CCDC33: variants seen among roughly 807,000 people sequenced by gnomAD.
CCDC33 encodes coiled-coil domain-containing protein 33.
CCDC33 carries 94 observed loss-of-function variants against 91.9 expected under a neutral mutation model. That is an observed-to-expected ratio of 1.02 (90% CI 0.87 to 1.21). The LOEUF (loss-of-function observed/expected upper bound fraction) is 1.21, where lower values mean the gene tolerates loss of function less well. CCDC33 is among the 50% of genes most tolerant of loss of function. CCDC33 has a pLI of 0.00. For synonymous variants in CCDC33, 396 were observed against 374.5 expected (o/e 1.06, Z -0.66); for missense variants, 940 against 935.5 (o/e 1.00, Z -0.06).
chr15:74,329,283 A>C (rs1178562804), intron 11 of CCDC33, among the ~76,000 whole-genome samples: 1 of 152,044 alleles, frequency 6.6e-6, no homozygotes, highest in Non-Finnish European at 1.5e-5. Flanking sequence ...TGAAGTGTCC[A>C]CATATGGAGG....
chr15:74,227,836 A>G (rs929894840), intron 2 of CCDC33, among the ~76,000 whole-genome samples: 2 of 152,156 alleles, frequency 1.3e-5, no homozygotes, highest in Non-Finnish European at 2.9e-5. Context: ...AAAGGGGGAT[A>G]ATGATGTCTA....
chr15:74,270,431 C>T (rs1406969426), intron 5 of CCDC33, among the ~76,000 whole-genome samples: 4 of 152,178 alleles, frequency 2.6e-5, no homozygotes, highest in East Asian at 3.9e-4. Flanking sequence ...GGGGGCCTGT[C>T]GGGAGACACG....
At position 74,266,675 on chromosome 15, in the gene CCDC33, CA is replaced by C. The variant is rs775502475; in HGVS notation, c.320-2del. On this transcript the variant is annotated splice_acceptor_variant, in intron 3 of 18. Transcript: ENST00000398814. LOFTEE classifies it high-confidence loss of function. ...AACCTGGGCTCATTTTTTCTCTTTC[CA>C]GATGTGATCCTCAAGGTGGTGGACA... 7 of 1,609,430 alleles carry C rather than the reference CA, an allele frequency of 4.3e-6. 1 individual carries two copies. The South Asian group carries it at 5.5e-5, about 13-fold the overall frequency.
At chr15:74,221,231 T>G (rs1463823384) in intron 2 of CCDC33, 8 of 978,436 alleles carry the variant, frequency 8.2e-6, no homozygotes, top group South Asian at 4.8e-5. Flanking sequence ...TTTTTTTTTT[T>G]TTTTTTTTTT....
At chr15:74,265,423 C>T (rs569404943) in intron 3 of CCDC33, among the ~76,000 whole-genome samples, 1 of 152,334 alleles carries the variant, frequency 6.6e-6, no homozygotes, top group South Asian at 2.1e-4. Flanking sequence ...CTCCCCATCT[C>T]TTCTTCCTCC....
At chr15:74,234,803 G>T (rs2075095277), upstream of CCDC33, among the ~76,000 whole-genome samples, 1 of 152,260 alleles carries the variant, frequency 6.6e-6, no homozygotes, top group African/African-American at 2.4e-5. Flanking sequence ...CCACAGTGAG[G>T]CAGGCAAGGT....
At chr15:74,231,506 T>C (rs572435792), upstream of CCDC33, among the ~76,000 whole-genome samples, 12 of 152,210 alleles carry the variant, frequency 7.9e-5, no homozygotes, top group Non-Finnish European at 1.8e-4. Context: ...TTTTCATCTC[T>C]GGTCTTGAAT....
intron 2 of CCDC33, chr15:74,209,643 A>G (rs138676653): frequency 1.4e-4 from 79 of 579,716 alleles, no homozygotes; most frequent in African/African-American, 1.2e-3. Context: ...CTTCACCCCA[A>G]GTACATGCCT....
At chr15:74,332,354 G>C (rs940575937) in intron 15 of CCDC33, among the ~76,000 whole-genome samples, 13 of 152,186 alleles carry the variant, frequency 8.5e-5, no homozygotes, top group African/African-American at 3.1e-4. Context: ...GACTGAGAAG[G>C]CAACCTAGGG....
intron 7 of CCDC33, among the ~76,000 whole-genome samples, chr15:74,279,199 C>T (rs552007189): frequency 3.3e-5 from 5 of 152,288 alleles, no homozygotes; most frequent in Non-Finnish European, 4.4e-5. Flanking sequence ...TAGCAGAGAA[C>T]GTTCAATGCA....
chr15:74,206,848 A>G (rs899505773), intron 1 of CCDC33, among the ~76,000 whole-genome samples: 1 of 152,250 alleles, frequency 6.6e-6, no homozygotes, highest in Non-Finnish European at 1.5e-5. Context: ...GACCAGCATG[A>G]ACCCACGTGG....
At chr15:74,268,627 G>C (rs1416917049) in intron 5 of CCDC33, among the ~76,000 whole-genome samples, 169 bp downstream of exon 5, 1 of 152,270 alleles carries the variant, frequency 6.6e-6, no homozygotes, top group South Asian at 2.1e-4. Flanking sequence ...AAAAGGAGTT[G>C]TGAAGACAAG....
At chr15:74,310,358 G>A (rs1027279437) in intron 11 of CCDC33, among the ~76,000 whole-genome samples, 5 of 151,988 alleles carry the variant, frequency 3.3e-5, no homozygotes, top group African/African-American at 1.2e-4. Flanking sequence ...ACAACATGGT[G>A]AAACCCCGTT....
Position 74,219,306 on chromosome 15 carries a change from G to A in CCDC33, c.675+445G>A, listed in dbSNP as rs149541985. On this transcript the variant is annotated intron_variant, in intron 2 of 2. Transcript: ENST00000635913. Reference sequence around the variant, plus strand: ...AGGTGAGAGAGTCTAGTCCTTATCCGAAATATAGGAGGCTTCTCCCCTATG... The same window carrying A: ...AGGTGAGAGAGTCTAGTCCTTATCCAAAATATAGGAGGCTTCTCCCCTATG... Among the ~76,000 whole-genome samples, 75 of 152,296 alleles carry A rather than the reference G, an allele frequency of 4.9e-4. No homozygotes were observed. In the East Asian group the frequency reaches 0.013, roughly 27 times the overall value.
At chr15:74,207,874 AGTGGGCTGGAAGGCAGTGTC>A in intron 1 of CCDC33, 1 of 1,514,506 alleles carries the variant, frequency 6.6e-7, no homozygotes, top group South Asian at 1.2e-5. Context: ...GACTCCACAC[AGTGGGCTGGAAGGCAGTGTC>A]GTCGGCTGCC....
At chr15:74,277,996 A>G (rs1057079825) in intron 7 of CCDC33, among the ~76,000 whole-genome samples, 4 of 152,090 alleles carry the variant, frequency 2.6e-5, no homozygotes, top group Non-Finnish European at 4.4e-5. Context: ...GAATGGGGTG[A>G]CTCTGGGAGG....
intron 2 of CCDC33, among the ~76,000 whole-genome samples, chr15:74,253,997 G>A (rs2075787774): frequency 6.6e-6 from 1 of 152,006 alleles, no homozygotes; most frequent in Non-Finnish European, 1.5e-5. Flanking sequence ...TTACAGGTGT[G>A]AGCCACCCTG....
chr15:74,264,253 C>T (rs2076106733), intron 3 of CCDC33, among the ~76,000 whole-genome samples: 1 of 152,036 alleles, frequency 6.6e-6, no homozygotes, highest in Admixed American at 6.6e-5. Flanking sequence ...TGGGAGGTAG[C>T]TCAAGGATGT....
At chr15:74,325,465 C>T (rs2959007) in intron 11 of CCDC33, among the ~76,000 whole-genome samples, 84,387 of 151,778 alleles carry the variant, frequency 0.56, 24,680 homozygotes, top group Non-Finnish European at 0.66. Context: ...AGACCTGGGG[C>T]TAGGAAAAGA....
Sources: allele counts gnomAD v4.1 joint callset (sites outside exome capture counted in the v4.1 genomes callset), GRCh38; gene constraint gnomAD v4.1.1; transcripts MANE v1.5; gene names NCBI Gene and HGNC (gene_info 2026-07-23, HGNC 2026-07-21).